RGS7: variants seen among roughly 807,000 people sequenced by gnomAD.
The protein encoded by RGS7 is regulator of G protein signaling 7.
A neutral mutation model predicts 81.1 loss-of-function variants in RGS7; 27 were observed. The ratio of observed to expected loss-of-function variants is 0.33; its 90% confidence interval spans 0.25 to 0.46. RGS7 has a LOEUF of 0.46. RGS7 is among the 20% of genes least tolerant of loss of function. The pLI, the probability that RGS7 is intolerant of heterozygous loss-of-function variation, is 1.00. For missense variants in RGS7, 396 were observed against 607.4 expected (o/e 0.65, Z 3.66); for synonymous variants, 208 against 207.7 (o/e 1.00, Z -0.01).
At chr1:241,352,951 G>A (rs2083338629) in intron 2 of RGS7, among the ~76,000 whole-genome samples, 1 of 152,212 alleles carries the variant, frequency 6.6e-6, no homozygotes, top group Admixed American at 6.5e-5. Context: ...AGAGTCATAT[G>A]CAATAAGTAA....
At chr1:241,336,455 G>C (rs1253077401) in intron 2 of RGS7, among the ~76,000 whole-genome samples, 1 of 152,166 alleles carries the variant, frequency 6.6e-6, no homozygotes, top group Non-Finnish European at 1.5e-5. Flanking sequence ...CTAAAACATA[G>C]GAATCCAGAC....
intron 14 of RGS7, among the ~76,000 whole-genome samples, chr1:240,807,537 G>A (rs1212021685): frequency 1.3e-5 from 2 of 152,304 alleles, no homozygotes; most frequent in South Asian, 2.1e-4. Context: ...GCATGAGCTA[G>A]AATTAGAATA....
rs368849906 is a variant in RGS7, at chr1:241,006,831, C to T, written c.176-23702G>A. ...CCTCCTCTTCATCCTCCTCCTCAGC[C>T]TACTCAACCTGAAAATAATAATGAA... On this transcript the variant is annotated intron_variant, in intron 3 of 18. Transcript: ENST00000440928. Among the ~76,000 whole-genome samples the T allele has an allele frequency of 6.6e-5, 10 of 152,284 alleles. 1 individual carries two copies. The highest frequency in any genetic ancestry group is 1.3e-4 in the Admixed American group (2 of 15,282).
At chr1:241,099,543 T>C (rs2064561548) in intron 2 of RGS7, among the ~76,000 whole-genome samples, 1 of 152,212 alleles carries the variant, frequency 6.6e-6, no homozygotes, top group African/African-American at 2.4e-5. Context: ...CACTCTCTTT[T>C]ACTTTTACAA....
At chr1:241,018,258 C>A (rs2059367866) in intron 3 of RGS7, among the ~76,000 whole-genome samples, 1 of 150,682 alleles carries the variant, frequency 6.6e-6, no homozygotes, top group Non-Finnish European at 1.5e-5. Flanking sequence ...GCTGGCATTA[C>A]AGGCATGAGC....
intron 2 of RGS7, among the ~76,000 whole-genome samples, chr1:241,343,158 A>C (rs2082674109): frequency 6.6e-6 from 1 of 151,546 alleles, no homozygotes. Context: ...GCTACTCGGG[A>C]GGCTGAGGCA....
intron 2 of RGS7, among the ~76,000 whole-genome samples, chr1:241,297,631 T>C (rs538495068): frequency 2.0e-5 from 3 of 152,282 alleles, no homozygotes; most frequent in South Asian, 4.1e-4. Context: ...CTCGGAAGAA[T>C]GACATAACGA....
At chr1:241,326,103 G>T (rs1246000842) in intron 2 of RGS7, among the ~76,000 whole-genome samples, 1 of 152,066 alleles carries the variant, frequency 6.6e-6, no homozygotes, top group African/African-American at 2.4e-5. Flanking sequence ...ACTTTCCAAA[G>T]CACTCACATT....
intron 3 of RGS7, among the ~76,000 whole-genome samples, chr1:241,001,677 T>A (rs1688162523): frequency 6.6e-6 from 1 of 151,988 alleles, no homozygotes; most frequent in Admixed American, 6.6e-5. Context: ...GTGAAAGAAG[T>A]CAATCTGAAA....
intron 3 of RGS7, among the ~76,000 whole-genome samples, chr1:241,025,659 A>G (rs1572333464): frequency 6.6e-6 from 1 of 151,906 alleles, no homozygotes; most frequent in South Asian, 2.1e-4. Context: ...CAAGAACCAC[A>G]GAGATGAAAC....
At chr1:241,078,102 G>A (rs947904845) in intron 3 of RGS7, among the ~76,000 whole-genome samples, 2 of 148,924 alleles carry the variant, frequency 1.3e-5, no homozygotes, top group African/African-American at 4.9e-5. Flanking sequence ...GATCTCCATG[G>A]CCTGTGCTTC....
rs1189144084 is a variant in RGS7, at chr1:241,253,940, G to C, written c.78+101759C>G. Reference sequence around the variant, plus strand: ...AATGTGGTGAAGAAATTGAGGAGGAGAGCAGTAGGCAGAGGTTATTGGTTT... The same window carrying C: ...AATGTGGTGAAGAAATTGAGGAGGACAGCAGTAGGCAGAGGTTATTGGTTT... On this transcript the variant is annotated intron_variant, in intron 2 of 18. Transcript: ENST00000440928. Among the ~76,000 whole-genome samples the C allele has an allele frequency of 3.9e-5, 6 of 152,178 alleles. 1 individual carries two copies. Among genetic ancestry groups the C allele is most frequent in the Admixed American group, 2.6e-4 (4 of 15,272 alleles).
At chr1:241,151,386 C>A (rs1042561424) in intron 2 of RGS7, among the ~76,000 whole-genome samples, 1 of 151,872 alleles carries the variant, frequency 6.6e-6, no homozygotes, top group Non-Finnish European at 1.5e-5. Flanking sequence ...GCTCAGGAAG[C>A]CTGTCCAGCC....
intron 6 of RGS7, among the ~76,000 whole-genome samples, chr1:240,883,368 C>T (rs1353333440): frequency 2.6e-5 from 4 of 152,080 alleles, no homozygotes; most frequent in African/African-American, 9.7e-5. Flanking sequence ...AAAACAATGT[C>T]ACTATAACAA....
At chr1:241,257,858 A>G (rs145467320) in intron 2 of RGS7, among the ~76,000 whole-genome samples, 118 of 152,336 alleles carry the variant, frequency 7.7e-4, no homozygotes, top group African/African-American at 2.7e-3. Context: ...TTCACTCTAC[A>G]AGACCAAACA....
chr1:241,341,711 A>G (rs893681967), intron 2 of RGS7, among the ~76,000 whole-genome samples: 1 of 152,040 alleles, frequency 6.6e-6, no homozygotes, highest in African/African-American at 2.4e-5. Context: ...TCATTTAATC[A>G]CCATAGCAAC....
At chr1:241,210,029 G>A (rs988557279) in intron 2 of RGS7, among the ~76,000 whole-genome samples, 1 of 151,882 alleles carries the variant, frequency 6.6e-6, no homozygotes, top group East Asian at 1.9e-4. Context: ...TAGAGAATAG[G>A]GTCCAGAACA....
intron 2 of RGS7, among the ~76,000 whole-genome samples, chr1:241,100,147 G>T (rs934271001): frequency 1.3e-5 from 2 of 150,668 alleles, no homozygotes; most frequent in African/African-American, 2.4e-5. Context: ...AGGCCGAGGC[G>T]GGCGGATCAT....
At chr1:241,320,588 T>G (rs2081149873) in intron 2 of RGS7, among the ~76,000 whole-genome samples, 1 of 152,234 alleles carries the variant, frequency 6.6e-6, no homozygotes, top group Non-Finnish European at 1.5e-5. Context: ...GTGAATGTTA[T>G]CTACATAAAT....
Sources: allele counts gnomAD v4.1 joint callset (sites outside exome capture counted in the v4.1 genomes callset), GRCh38; gene constraint gnomAD v4.1.1; transcripts MANE v1.5; gene names NCBI Gene and HGNC (gene_info 2026-07-23, HGNC 2026-07-21).